GALNTL6: variants seen among roughly 807,000 people sequenced by gnomAD.
GALNTL6 encodes polypeptide N-acetylgalactosaminyltransferase like 6.
Under a neutral mutation model 73.7 loss-of-function variants are expected in GALNTL6, and 46 were observed. That is an observed-to-expected ratio of 0.62 (90% confidence interval 0.49 to 0.80). GALNTL6 has a LOEUF of 0.80. Among genes scored for constraint, GALNTL6 ranks in the 30% least tolerant of loss-of-function variants. The probability of loss-of-function intolerance (pLI) is 0.00; values close to 1 mark genes in which losing one functional copy is unlikely to be tolerated. For missense variants in GALNTL6, 604 were observed against 755.0 expected (o/e 0.80, Z 2.34); for synonymous variants, 259 against 263.7 (o/e 0.98, Z 0.17).
chr4:172,602,501 T>TTAAAGATACA (rs1553964142), intron 5 of GALNTL6, among the ~76,000 whole-genome samples: 1 of 151,956 alleles, frequency 6.6e-6, no homozygotes, highest in Non-Finnish European at 1.5e-5. Context: ...TAGGTTTAAA[T>TTAAAGATACA]TATTTTAAAC....
intron 2 of GALNTL6, among the ~76,000 whole-genome samples, chr4:171,992,033 T>G (rs1450581212): frequency 6.6e-6 from 1 of 151,926 alleles, no homozygotes; most frequent in Non-Finnish European, 1.5e-5. Context: ...TGAGAACGAA[T>G]TACAATGTTT....
chr4:171,835,032 C>A (rs1344432972), intron 2 of GALNTL6, among the ~76,000 whole-genome samples: 2 of 151,930 alleles, frequency 1.3e-5, no homozygotes, highest in Non-Finnish European at 2.9e-5. Context: ...TATTGACAGA[C>A]AAAGAACATT....
intron 2 of GALNTL6, among the ~76,000 whole-genome samples, chr4:171,880,153 C>T (rs1736398187): frequency 6.6e-6 from 1 of 152,108 alleles, no homozygotes; most frequent in African/African-American, 2.4e-5. Context: ...CCAAGGAGTT[C>T]TTCTCATTAA....
At chr4:172,242,177 A>G (rs1323884323) in intron 3 of GALNTL6, among the ~76,000 whole-genome samples, 1 of 152,084 alleles carries the variant, frequency 6.6e-6, no homozygotes, top group Non-Finnish European at 1.5e-5. Context: ...AGATCTAACA[A>G]ATTGGGCTGG....
In GALNTL6 at chr4:172,528,547, A is replaced by G. The variant is rs577269347; in HGVS notation, c.553+179858A>G. On this transcript the variant is annotated intron_variant, in intron 5 of 12. Transcript: ENST00000506823. ...TAATTTTTTATATTTTTATAACACCATGTTAGCCAGGATGGTCTCGATCTC... is the reference window on the plus strand; with the variant it reads ...TAATTTTTTATATTTTTATAACACCGTGTTAGCCAGGATGGTCTCGATCTC... 1.5e-3 allele frequency among the ~76,000 whole-genome samples: 230 copies of G among 150,788 alleles called. 1 individual carries two copies. The highest frequency in any genetic ancestry group is 5.0e-3 in the African/African-American group (204 of 41,040).
intron 2 of GALNTL6, among the ~76,000 whole-genome samples, chr4:172,029,849 A>C (rs1265536742): frequency 1.3e-5 from 2 of 152,216 alleles, no homozygotes; most frequent in African/African-American, 4.8e-5. Flanking sequence ...TTATAGAATT[A>C]ATATTTGTGT....
At chr4:172,426,244 A>G (rs910759968) in intron 5 of GALNTL6, among the ~76,000 whole-genome samples, 18 of 152,078 alleles carry the variant, frequency 1.2e-4, no homozygotes, top group African/African-American at 3.9e-4. Context: ...AATGTGATGA[A>G]GCTTCTTTGA....
chr4:173,013,257 T>C (rs1433042804), intron 11 of GALNTL6, among the ~76,000 whole-genome samples: 1 of 151,796 alleles, frequency 6.6e-6, no homozygotes, highest in Non-Finnish European at 1.5e-5. Flanking sequence ...GCATCTAGAG[T>C]GGAAAAGAAC....
At chr4:172,279,715 T>C (rs1738974136) in intron 3 of GALNTL6, among the ~76,000 whole-genome samples, 1 of 152,082 alleles carries the variant, frequency 6.6e-6, no homozygotes, top group South Asian at 2.1e-4. Context: ...ACCTAACAAT[T>C]CCACTTCTGA....
chr4:172,969,498 C>T (rs746823755), intron 10 of GALNTL6, among the ~76,000 whole-genome samples: 1 of 152,162 alleles, frequency 6.6e-6, no homozygotes, highest in Admixed American at 6.5e-5. Context: ...GGAAATCCAA[C>T]TAAGAACCAT....
intron 5 of GALNTL6, among the ~76,000 whole-genome samples, chr4:172,571,964 C>T (rs1428302217): frequency 6.6e-6 from 1 of 152,126 alleles, no homozygotes; most frequent in East Asian, 1.9e-4. Context: ...CTTGAATGTG[C>T]TTTTCCCCCG....
intron 7 of GALNTL6, among the ~76,000 whole-genome samples, chr4:172,818,509 C>T (rs1465201035): frequency 6.6e-6 from 1 of 152,150 alleles, no homozygotes; most frequent in Non-Finnish European, 1.5e-5. Context: ...TGAGAACTGA[C>T]ATTCTCTATT....
chr4:172,737,788 A>G (rs1437851), intron 5 of GALNTL6, among the ~76,000 whole-genome samples: 78,038 of 152,030 alleles, frequency 0.51, 21,180 homozygotes, highest in African/African-American at 0.7. Context: ...ATTCTTTACT[A>G]GTGGATTGCT....
intron 5 of GALNTL6, among the ~76,000 whole-genome samples, chr4:172,686,532 C>T (rs1170755337): frequency 3.3e-5 from 5 of 152,142 alleles, no homozygotes; most frequent in Non-Finnish European, 5.9e-5. Flanking sequence ...TTATATGATT[C>T]TATTCATAAA....
chr4:172,094,088 A>G (rs184126168), intron 2 of GALNTL6, among the ~76,000 whole-genome samples: 53 of 152,348 alleles, frequency 3.5e-4, no homozygotes, highest in Admixed American at 1.4e-3. Flanking sequence ...ATTTTCGCTC[A>G]TAGTAGCCTT....
chr4:172,621,587 T>C (rs1170986150), intron 5 of GALNTL6, among the ~76,000 whole-genome samples: 1 of 152,232 alleles, frequency 6.6e-6, no homozygotes, highest in Non-Finnish European at 1.5e-5. Context: ...AAAGAGATTT[T>C]TCTGGTTTAT....
At chr4:172,410,546 T>G (rs1056110053) in intron 5 of GALNTL6, among the ~76,000 whole-genome samples, 2 of 152,116 alleles carry the variant, frequency 1.3e-5, no homozygotes, top group Non-Finnish European at 2.9e-5. Flanking sequence ...GACTTACTAA[T>G]TAGCTAACTG....
At chr4:171,880,622 A>G (rs1736420743) in intron 2 of GALNTL6, among the ~76,000 whole-genome samples, 1 of 152,198 alleles carries the variant, frequency 6.6e-6, no homozygotes, top group African/African-American at 2.4e-5. Context: ...ATGACAAAAT[A>G]TAAGGTGGGA....
chr4:172,871,726 A>T (rs1744950055), intron 7 of GALNTL6, among the ~76,000 whole-genome samples: 1 of 151,376 alleles, frequency 6.6e-6, no homozygotes, highest in Non-Finnish European at 1.5e-5. Flanking sequence ...CTCAATGATC[A>T]GTTTGGAGAT....
Sources: gnomAD v4.1 joint callset for allele counts (sites outside exome capture counted in the v4.1 genomes callset) on GRCh38, gnomAD v4.1.1 for gene constraint, MANE v1.5 for transcripts, NCBI Gene and HGNC (gene_info 2026-07-23, HGNC 2026-07-21) for gene names.